The following REEP3 variants were observed in gnomAD, a reference collection of about 807,000 sequenced individuals.
REEP3 encodes the protein receptor expression-enhancing protein 3.
REEP3 carries 20 observed loss-of-function variants against 41.3 expected under a neutral mutation model. The ratio of observed to expected loss-of-function variants is 0.48; its 90% CI spans 0.34 to 0.70. The LOEUF is 0.70. REEP3 is among the 30% of genes least tolerant of loss of function. REEP3 has a pLI of 0.01. For missense variants in REEP3, 271 were observed against 308.8 expected (o/e 0.88, Z 0.92); for synonymous variants, 104 against 101.8 (o/e 1.02, Z -0.13).
chr10:63,619,918 A>ATTTTTTT (rs71463534), intron 7 of REEP3, 118 bp downstream of exon 7: 2 of 249,994 alleles, frequency 8.0e-6, no homozygotes, highest in Non-Finnish European at 6.8e-6. Context: ...CAGCAGTTTG[A>ATTTTTTT]TTTTTTTTTT....
At chr10:63,555,608 C>G (rs1955670953) in intron 1 of REEP3, among the ~76,000 whole-genome samples, 1 of 152,176 alleles carries the variant, frequency 6.6e-6, no homozygotes, top group Non-Finnish European at 1.5e-5. Flanking sequence ...TGATGTCTTA[C>G]ATTTATTTTT....
At chr10:63,613,693 C>T (rs926564858) in intron 6 of REEP3, among the ~76,000 whole-genome samples, 1 of 152,166 alleles carries the variant, frequency 6.6e-6, no homozygotes, top group Non-Finnish European at 1.5e-5. Flanking sequence ...ATGAGAAAGA[C>T]TGTCTTTCAA....
intron 1 of REEP3, among the ~76,000 whole-genome samples, chr10:63,542,699 A>G (rs7916185): frequency 0.15 from 22,136 of 152,170 alleles, 3,833 homozygotes; most frequent in African/African-American, 0.42. Flanking sequence ...AATTATAAAG[A>G]AATGAAAGAT....
At chr10:63,543,538 C>G (rs1955550284) in intron 1 of REEP3, among the ~76,000 whole-genome samples, 2 of 151,342 alleles carry the variant, frequency 1.3e-5, no homozygotes, top group African/African-American at 4.9e-5. Flanking sequence ...AAAGAACTGT[C>G]AGAATATTTA....
chr10:63,614,316 C>T (rs561310477), intron 6 of REEP3, among the ~76,000 whole-genome samples: 8 of 152,316 alleles, frequency 5.3e-5, no homozygotes, highest in African/African-American at 1.9e-4. Context: ...CCCAAAACAG[C>T]AGCTTGAAAC....
chr10:63,595,921 G>A (rs1326998674), intron 3 of REEP3, among the ~76,000 whole-genome samples: 8 of 152,166 alleles, frequency 5.3e-5, no homozygotes, highest in African/African-American at 1.7e-4. Context: ...GCTAAATTCA[G>A]CTGAAAAAAT....
chr10:63,617,812 CTTTTTTTTTTTTT>C (rs60910642), intron 6 of REEP3, among the ~76,000 whole-genome samples: 5 of 83,550 alleles, frequency 6.0e-5, no homozygotes, highest in East Asian at 1.0e-3. Flanking sequence ...TCCTTCTACT[CTTTTTTTTTTTTT>C]TTTTTTTTTT....
At chr10:63,532,388 T>G (rs1955430636) in intron 1 of REEP3, among the ~76,000 whole-genome samples, 1 of 152,000 alleles carries the variant, frequency 6.6e-6, no homozygotes, top group African/African-American at 2.4e-5. Flanking sequence ...CACCTATAAA[T>G]AAAGAAATAA....
intron 6 of REEP3, among the ~76,000 whole-genome samples, chr10:63,618,241 T>C (rs1956327648): frequency 2.5e-5 from 3 of 119,584 alleles, no homozygotes; most frequent in South Asian, 3.1e-4. Context: ...CTTCTTCTTT[T>C]TTTTTTTTTT....
At chr10:63,578,628 T>C (rs910878160) in intron 2 of REEP3, among the ~76,000 whole-genome samples, 1 of 151,884 alleles carries the variant, frequency 6.6e-6, no homozygotes, top group Non-Finnish European at 1.5e-5. Flanking sequence ...AATACAAAAA[T>C]TATCCAGGTG....
chr10:63,598,083 C>G lies in REEP3; in HGVS notation c.242C>G (p.Thr81Ser), dbSNP rs1375284731. Residue 81 changes from threonine to serine, a missense_variant, in exon 4 of 8, where the codon ACC (threonine) becomes AGC (serine). Transcript: ENST00000373758. ...AFVIWLLSPY[T>S]KGASLIYRKF... ...GTCATATGGCTGCTTTCTCCCTATA[C>G]CAAAGGAGCAAGTTTAATATATAGA... 6.3e-7 allele frequency: 1 copy of G among 1,598,206 alleles called. No individual in the cohort carries two copies. The highest frequency in any genetic ancestry group is 1.7e-5 in the Admixed American group (1 of 59,940).
At chr10:63,525,926 G>A (rs985174485) in intron 1 of REEP3, among the ~76,000 whole-genome samples, 7 of 151,974 alleles carry the variant, frequency 4.6e-5, no homozygotes, top group Non-Finnish European at 2.9e-5. Flanking sequence ...CCATTTATGC[G>A]TCATAACCTA....
chr10:63,572,886 G>T (rs1564481919), intron 2 of REEP3, among the ~76,000 whole-genome samples: 4 of 152,116 alleles, frequency 2.6e-5, no homozygotes, highest in Admixed American at 2.0e-4. Flanking sequence ...ATCAAATATT[G>T]TGCTTAATAG....
At chr10:63,521,697 CG>C in intron 1 of REEP3, 120 bp downstream of exon 1, 1 of 629,008 alleles carries the variant, frequency 1.6e-6, no homozygotes. Flanking sequence ...AGCCCGGCCT[CG>C]GGCCTGCCGA....
chr10:63,528,161 GTGATCATATTTTCAGC>G (rs1440053020), intron 1 of REEP3, among the ~76,000 whole-genome samples: 1 of 152,072 alleles, frequency 6.6e-6, no homozygotes, highest in Non-Finnish European at 1.5e-5. Flanking sequence ...GCTGAACTCT[GTGATCATATTTTCAGC>G]TGCGTTCTTT....
intron 2 of REEP3, among the ~76,000 whole-genome samples, chr10:63,566,666 A>C (rs1196746237): frequency 6.6e-6 from 1 of 152,168 alleles, no homozygotes; most frequent in Non-Finnish European, 1.5e-5. Flanking sequence ...CAGTGTAATA[A>C]GGGGTTGGAG....
At chr10:63,566,235 T>G in intron 1 of REEP3, 103 bp from the exon 2 acceptor site, 1 of 707,916 alleles carries the variant, frequency 1.4e-6, no homozygotes, top group South Asian at 1.7e-5. Flanking sequence ...GCGGATTTAA[T>G]TTACACACAA....
At chr10:63,596,748 C>T (rs1204005792) in intron 3 of REEP3, among the ~76,000 whole-genome samples, 1 of 152,188 alleles carries the variant, frequency 6.6e-6, no homozygotes, top group Non-Finnish European at 1.5e-5. Context: ...TTGACTGCAT[C>T]TTTGCTGGGG....
intron 5 of REEP3, among the ~76,000 whole-genome samples, chr10:63,603,540 A>G (rs541920813): frequency 7.2e-5 from 11 of 152,018 alleles, no homozygotes; most frequent in Non-Finnish European, 1.2e-4. Context: ...TCACGTGTCC[A>G]CCCCAAAGGC....
Sources: allele counts gnomAD v4.1 joint callset (sites outside exome capture counted in the v4.1 genomes callset), GRCh38; gene constraint gnomAD v4.1.1; transcripts MANE v1.5; gene names NCBI Gene and HGNC (gene_info 2026-07-23, HGNC 2026-07-21).